PTPRN2: variants seen among roughly 807,000 people sequenced by gnomAD.
The protein encoded by PTPRN2 is receptor-type tyrosine-protein phosphatase N2.
PTPRN2 carries 74 observed loss-of-function variants against 118.8 expected under a neutral mutation model. The observed-to-expected ratio is 0.62, with a 90% CI of 0.52 to 0.76. The LOEUF is 0.76. Among genes scored for constraint, PTPRN2 ranks in the 30% least tolerant of loss-of-function variants. The probability of loss-of-function intolerance (pLI) is 0.00; values close to 1 mark genes in which losing one functional copy is unlikely to be tolerated. For missense variants in PTPRN2, 1,481 were observed against 1,394.4 expected, an observed-to-expected ratio of 1.06 and a Z score of -0.99; for synonymous variants, 641 against 608.0, an observed-to-expected ratio of 1.05 and a Z score of -0.80.
rs114361487 is a variant in PTPRN2, at chr7:157,598,029, A to C, written c.2419-2714T>G. ...GTGGTCTCACGCAGGCTTCGAGGAA[A>C]AGTCAAGCAAATACTTAACTGGCCA... On this transcript the variant is annotated intron_variant, in intron 16 of 22. Transcript: ENST00000389418. This position sits in a 1 kb window ranked among gnomAD's most constrained non-coding sequence, Gnocchi z 5.2. 4.1e-4 allele frequency among the ~76,000 whole-genome samples: 63 copies of C among 152,360 alleles called. No individual in the cohort carries two copies. The highest frequency in any genetic ancestry group is 1.4e-3 in the African/African-American group (58 of 41,586).
chr7:157,655,308 T>C (rs58002943), intron 14 of PTPRN2, among the ~76,000 whole-genome samples: 42,856 of 152,056 alleles, frequency 0.28, 6,227 homozygotes, highest in Non-Finnish European at 0.3. Flanking sequence ...GAACTGCGTG[T>C]TTCCCACCAG....
chr7:157,800,990 CAT>C (rs1490344924), intron 12 of PTPRN2, among the ~76,000 whole-genome samples: 1 of 150,832 alleles, frequency 6.6e-6, no homozygotes, highest in East Asian at 1.9e-4. Flanking sequence ...TATACACACA[CAT>C]ATATATACAC....
chr7:157,568,561 G>T (rs1411501835), intron 21 of PTPRN2, among the ~76,000 whole-genome samples: 1 of 152,220 alleles, frequency 6.6e-6, no homozygotes, highest in African/African-American at 2.4e-5. Context: ...TGGCTTCTCC[G>T]TGGCTCTGAG....
At chr7:157,672,367 A>G (rs773030157) in intron 13 of PTPRN2, among the ~76,000 whole-genome samples, 1 of 152,146 alleles carries the variant, frequency 6.6e-6, no homozygotes, top group Non-Finnish European at 1.5e-5. Flanking sequence ...TCTGGTAGAG[A>G]ATAAGAAATC....
At chr7:158,324,806 G>A (rs553504775) in intron 2 of PTPRN2, among the ~76,000 whole-genome samples, 12 of 152,178 alleles carry the variant, frequency 7.9e-5, no homozygotes, top group South Asian at 4.2e-4. Flanking sequence ...TTGGAGCACC[G>A]GAAAGCTGTG....
At chr7:158,320,522 CAG>C in intron 2 of PTPRN2, among the ~76,000 whole-genome samples, 1 of 56,786 alleles carries the variant, frequency 1.8e-5, no homozygotes, top group Non-Finnish European at 4.0e-5. Context: ...TCAGCAGCGC[CAG>C]GTGGCGTCCG....
intron 12 of PTPRN2, among the ~76,000 whole-genome samples, chr7:157,791,138 T>C (rs1181652145): frequency 6.6e-6 from 1 of 152,216 alleles, no homozygotes. Flanking sequence ...CACTCTGGCA[T>C]CGCCTGCAAC....
intron 5 of PTPRN2, among the ~76,000 whole-genome samples, chr7:158,167,815 G>A (rs955250666): frequency 1.3e-5 from 2 of 152,222 alleles, no homozygotes; most frequent in Admixed American, 1.3e-4. Flanking sequence ...CACCCATGCT[G>A]ATGCTGGGGC....
At chr7:158,384,932 A>AGTATTTGCT (rs1472088455) in intron 2 of PTPRN2, among the ~76,000 whole-genome samples, 2 of 152,010 alleles carry the variant, frequency 1.3e-5, no homozygotes, top group Non-Finnish European at 2.9e-5. Context: ...CCCTCACAGC[A>AGTATTTGCT]GTATTTGCTG....
intron 2 of PTPRN2, among the ~76,000 whole-genome samples, chr7:158,380,948 C>T (rs1453822958): frequency 6.6e-6 from 1 of 152,276 alleles, no homozygotes; most frequent in African/African-American, 2.4e-5. Flanking sequence ...ACAGCCTGAG[C>T]TCCACATTGA....
chr7:158,559,102 C>T (rs576943936), intron 1 of PTPRN2, among the ~76,000 whole-genome samples: 4 of 152,304 alleles, frequency 2.6e-5, no homozygotes, highest in South Asian at 2.1e-4. Context: ...ATGGTTCTCC[C>T]GGAGCCCCCA....
chr7:157,849,309 G>A (rs1477696605), intron 12 of PTPRN2, among the ~76,000 whole-genome samples: 2 of 152,234 alleles, frequency 1.3e-5, no homozygotes, highest in South Asian at 4.1e-4. Context: ...GTCATTCCCA[G>A]TGTGTGAGCT....
At position 157,668,416 on chromosome 7, in the gene PTPRN2, C is replaced by T. The variant is rs368301747; in HGVS notation, c.2002-11865G>A. 7.2e-5 allele frequency among the ~76,000 whole-genome samples: 11 copies of T among 152,324 alleles called. No individual in the cohort carries two copies. The South Asian group carries it at 2.3e-3, about 32-fold the overall frequency. On this transcript the variant is annotated intron_variant, in intron 13 of 22. Transcript: ENST00000389418. ...CTTCCGGGAGCCAACTGAATGAAGCCGTGTTGCCCGAGTGTGCGCACAGAG... is the reference window on the plus strand; with the variant it reads ...CTTCCGGGAGCCAACTGAATGAAGCTGTGTTGCCCGAGTGTGCGCACAGAG...
chr7:158,209,663 A>G (rs1294223930), intron 3 of PTPRN2, among the ~76,000 whole-genome samples: 1 of 152,258 alleles, frequency 6.6e-6, no homozygotes, highest in African/African-American at 2.4e-5. Context: ...CAACGAAGAT[A>G]TATTGACCAA....
At chr7:158,339,974 C>G (rs1449512972) in intron 2 of PTPRN2, among the ~76,000 whole-genome samples, 1 of 89,948 alleles carries the variant, frequency 1.1e-5, no homozygotes, top group African/African-American at 4.2e-5. Flanking sequence ...CACACTCTCC[C>G]CATAAGAGCT....
At chr7:157,659,269 G>A (rs551850334) in intron 13 of PTPRN2, among the ~76,000 whole-genome samples, 2 of 147,388 alleles carry the variant, frequency 1.4e-5, no homozygotes, top group African/African-American at 2.5e-5. Flanking sequence ...GGGACAAGGA[G>A]GATGACCGCG....
At chr7:158,424,659 C>T (rs964219164) in intron 2 of PTPRN2, among the ~76,000 whole-genome samples, 4 of 152,204 alleles carry the variant, frequency 2.6e-5, no homozygotes, top group African/African-American at 9.6e-5. Context: ...AGAGCGCGGC[C>T]CTGAGAGCCC....
intron 9 of PTPRN2, among the ~76,000 whole-genome samples, chr7:158,118,508 T>G (rs886255555): frequency 6.6e-6 from 1 of 152,142 alleles, no homozygotes; most frequent in Non-Finnish European, 1.5e-5. Flanking sequence ...ATAATGCACA[T>G]AGAAAACAAA....
chr7:158,294,230 A>T (rs939717770), intron 3 of PTPRN2, among the ~76,000 whole-genome samples: 1 of 152,232 alleles, frequency 6.6e-6, no homozygotes, highest in Non-Finnish European at 1.5e-5. Context: ...GCTGGTGGAA[A>T]CATTGTTATG....
Sources: allele counts gnomAD v4.1 joint callset (sites outside exome capture counted in the v4.1 genomes callset), GRCh38; gene constraint gnomAD v4.1.1; non-coding constraint Gnocchi (gnomAD v3.1); transcripts MANE v1.5; gene names NCBI Gene and HGNC (gene_info 2026-07-23, HGNC 2026-07-21).